Variants in GPM6B observed in about 807,000 individuals in gnomAD.
The protein encoded by GPM6B is neuronal membrane glycoprotein M6-b.
Under a neutral mutation model 27.2 loss-of-function variants are expected in GPM6B, and 4 were observed. The observed-to-expected ratio is 0.15, with a 90% CI of 0.07 to 0.34. GPM6B has a LOEUF of 0.34. GPM6B is among the 10% of genes least tolerant of loss of function. The pLI is 1.00. For missense variants in GPM6B, 183 were observed against 261.9 expected, an observed-to-expected ratio of 0.70 and a Z score of 2.08; for synonymous variants, 124 against 103.1, an observed-to-expected ratio of 1.20 and a Z score of -1.23.
At chrX:13,864,389 T>A (rs1234893974) in intron 1 of GPM6B, among the ~76,000 whole-genome samples, 7 of 112,541 alleles carry the variant, frequency 6.2e-5, no homozygotes, top group African/African-American at 1.3e-4. Context: ...CAGATCCCCC[T>A]TGGGCACCAA....
intron 1 of GPM6B, among the ~76,000 whole-genome samples, chrX:13,854,793 A>G (rs1370493356): frequency 8.9e-6 from 1 of 112,153 alleles, no homozygotes; most frequent in Admixed American, 9.5e-5. Context: ...TTATTTGTCA[A>G]TTTAAAAAGC....
chrX:13,802,110 G>A (rs1346622573), intron 2 of GPM6B, among the ~76,000 whole-genome samples: 1 of 110,704 alleles, frequency 9.0e-6, no homozygotes, highest in African/African-American at 3.3e-5. Context: ...CTCTAAGGGT[G>A]GCAAAAGATT....
intron 1 of GPM6B, among the ~76,000 whole-genome samples, chrX:13,932,916 T>C (rs1346721510): frequency 8.9e-6 from 1 of 112,046 alleles, no homozygotes; most frequent in African/African-American, 3.2e-5. Context: ...AACTGCTCTT[T>C]CAATTGTTTC....
chrX:13,897,810 G>A (rs1391690870), intron 1 of GPM6B, among the ~76,000 whole-genome samples: 1 of 111,845 alleles, frequency 8.9e-6, no homozygotes, highest in Non-Finnish European at 1.9e-5. Flanking sequence ...TACACAGCCT[G>A]GTCAGCCCAC....
At chrX:13,823,792 T>A (rs1482472058) in intron 1 of GPM6B, among the ~76,000 whole-genome samples, 1 of 112,219 alleles carries the variant, frequency 8.9e-6, no homozygotes, top group Non-Finnish European at 1.9e-5. Context: ...AGTGCTGCGA[T>A]TAGGCATGAG....
chrX:13,778,792 A>T (rs1303402908), intron 5 of GPM6B, among the ~76,000 whole-genome samples: 6 of 112,247 alleles, frequency 5.3e-5, no homozygotes, highest in Non-Finnish European at 1.1e-4. Flanking sequence ...AATAACTTTA[A>T]CAGCCAACTT....
intron 1 of GPM6B, among the ~76,000 whole-genome samples, chrX:13,870,063 GGTTT>G (rs2049958420): frequency 9.0e-6 from 1 of 111,677 alleles, no homozygotes; most frequent in Non-Finnish European, 1.9e-5. Context: ...CCTCAATTTG[GGTTT>G]GTCTGCTGTT....
rs1217852314 is a variant in GPM6B at position 13,795,745 on chromosome X, T to TC, written c.182-9938_182-9937insG. 3.6e-3 allele frequency among the ~76,000 whole-genome samples: 355 copies of TC among 99,309 alleles called. 1 individual carries two copies. Among genetic ancestry groups the TC allele is most frequent in the African/African-American group, 0.012 (339 of 27,471 alleles). 86.2% of individuals were successfully genotyped at this position (99,309 alleles called of 115,157 possible). A position where few individuals can be genotyped will look rare whatever the true frequency, so the allele number is the denominator to read the frequency against. ...CTTCTCAGTTCTAATTTCTTTTCTT[T>TC]TTTTTTTTTTTTTTTTAAGATGGAG... is the stretch of plus-strand genomic sequence containing the variant. On this transcript the variant is annotated intron_variant, in intron 2 of 7. Coordinates refer to ENST00000316715, the MANE Select transcript of GPM6B (RefSeq NM_001001995.3).
At chrX:13,777,777 A>C (rs2048441440) in intron 5 of GPM6B, among the ~76,000 whole-genome samples, 1 of 111,945 alleles carries the variant, frequency 8.9e-6, no homozygotes, top group Admixed American at 9.5e-5. Context: ...CCCCCTCATA[A>C]AGCATTTTAT....
intron 1 of GPM6B, among the ~76,000 whole-genome samples, chrX:13,872,636 G>A (rs150735481): frequency 3.7e-5 from 4 of 108,175 alleles, no homozygotes; most frequent in Non-Finnish European, 3.8e-5. Context: ...CACACAGAGC[G>A]GACGAGATGA....
intron 1 of GPM6B, among the ~76,000 whole-genome samples, chrX:13,894,518 T>C (rs1175416889): frequency 8.9e-6 from 1 of 112,363 alleles, no homozygotes; most frequent in African/African-American, 3.2e-5. Flanking sequence ...TTTCATTTAC[T>C]ATAGGGTTAG....
At chrX:13,807,593 T>C (rs959191099) in intron 2 of GPM6B, 57 bp downstream of exon 2, 5 of 968,326 alleles carry the variant, frequency 5.2e-6, no homozygotes, top group Non-Finnish European at 7.0e-6. Flanking sequence ...CCATTACAAA[T>C]AATATTAAAG....
At chrX:13,929,799 G>C (rs900666267) in intron 1 of GPM6B, among the ~76,000 whole-genome samples, 2 of 111,587 alleles carry the variant, frequency 1.8e-5, no homozygotes, top group Non-Finnish European at 3.8e-5. Flanking sequence ...GAATCACCCA[G>C]CCCAAAATGT....
chrX:13,791,968 C>G (rs1485197297), intron 2 of GPM6B, among the ~76,000 whole-genome samples: 2 of 111,299 alleles, frequency 1.8e-5, no homozygotes, highest in African/African-American at 6.5e-5. Context: ...CTACATGGGG[C>G]CTTCCTTGCT....
At chrX:13,810,510 C>A (rs757209982) in intron 1 of GPM6B, among the ~76,000 whole-genome samples, 1 of 111,191 alleles carries the variant, frequency 9.0e-6, no homozygotes, top group African/African-American at 3.3e-5. Context: ...CCTCTAGATC[C>A]CCCACCATGC....
At chrX:13,923,961 C>T (rs1046792942) in intron 1 of GPM6B, among the ~76,000 whole-genome samples, 2 of 112,296 alleles carry the variant, frequency 1.8e-5, no homozygotes, top group Non-Finnish European at 3.8e-5. Context: ...CCCTCCAAGG[C>T]TCCTCCCGGG....
rs113854554 is a variant in GPM6B, at chrX:13,791,205, G to GTT, written c.182-5399_182-5398dup. ...GTAAAAAAATAATAATCAATGCCAG[G>GTT]TTTTTTTTTTTTCTTTCTTTCCTGA... On this transcript the variant is annotated intron_variant, in intron 2 of 7. Coordinates refer to ENST00000316715, the MANE Select transcript of GPM6B (RefSeq NM_001001995.3). Among the ~76,000 whole-genome samples, 541 of 104,937 alleles carry GTT rather than the reference G, an allele frequency of 5.2e-3. 6 individuals carry two copies. The highest frequency in any genetic ancestry group is 0.018 in the African/African-American group (522 of 29,138). The allele number at this position is 104,937 out of a possible 115,157, so 91.1% of individuals were successfully genotyped here.
intron 1 of GPM6B, among the ~76,000 whole-genome samples, chrX:13,815,874 G>A (rs1034891802): frequency 1.8e-5 from 2 of 111,924 alleles, no homozygotes; most frequent in South Asian, 7.5e-4. Flanking sequence ...TTACTCTTTA[G>A]TGACTATCAG....
intron 1 of GPM6B, among the ~76,000 whole-genome samples, chrX:13,826,612 C>T (rs1464625769): frequency 9.1e-6 from 1 of 110,113 alleles, no homozygotes; most frequent in Non-Finnish European, 1.9e-5. Context: ...GCGGGGCACA[C>T]CTATAGTTCC....
Sources: gnomAD v4.1 joint callset for allele counts (sites outside exome capture counted in the v4.1 genomes callset) on GRCh38, gnomAD v4.1.1 for gene constraint, MANE v1.5 for transcripts, NCBI Gene and HGNC (gene_info 2026-07-23, HGNC 2026-07-21) for gene names.